The following MME variants were observed in gnomAD, a reference collection of about 807,000 sequenced individuals.
The protein encoded by MME is neprilysin.
In MME, 98 loss-of-function variants were observed where a neutral mutation model predicts 113.2. The ratio of observed to expected loss-of-function variants is 0.87; its 90% CI spans 0.74 to 1.02. The LOEUF is 1.02. Ranked by LOEUF, MME falls within the 50% of genes least tolerant of loss-of-function variation. MME has a pLI of 0.00. For synonymous variants in MME, 292 were observed against 300.6 expected (o/e 0.97, Z 0.30); for missense variants, 836 against 896.0 (o/e 0.93, Z 0.86).
intron 3 of MME, among the ~76,000 whole-genome samples, chr3:155,109,471 A>G (rs1284094964): frequency 6.6e-6 from 1 of 152,182 alleles, no homozygotes; most frequent in Non-Finnish European, 1.5e-5. Flanking sequence ...AGCCAATTAT[A>G]AGGGACTGAA....
intron 17 of MME, among the ~76,000 whole-genome samples, chr3:155,165,161 C>T (rs1385480): frequency 0.57 from 86,209 of 151,912 alleles, 27,603 homozygotes; most frequent in African/African-American, 0.88. Context: ...CAGAAAGTAA[C>T]GTTTCAGTTA....
intron 1 of MME, among the ~76,000 whole-genome samples, chr3:155,073,732 C>G (rs760456411): frequency 1.3e-5 from 2 of 151,658 alleles, no homozygotes; most frequent in Non-Finnish European, 2.9e-5. Flanking sequence ...TCTTTTCTTG[C>G]CTTTTTTTTT....
intron 3 of MME, among the ~76,000 whole-genome samples, chr3:155,094,613 TA>T (rs1249413241): frequency 6.6e-6 from 1 of 152,188 alleles, no homozygotes; most frequent in Non-Finnish European, 1.5e-5. Context: ...TATTCTCAAA[TA>T]AAAATGTGTC....
intron 22 of MME, among the ~76,000 whole-genome samples, chr3:155,178,740 T>C (rs1180326674): frequency 6.6e-6 from 1 of 152,214 alleles, no homozygotes. Context: ...CTCCCTCCTA[T>C]ACTTTGTCAC....
At chr3:155,116,392 A>G (rs1718605838) in intron 4 of MME, 87 bp from the exon 5 acceptor site, 1 of 1,023,556 alleles carries the variant, frequency 9.8e-7, no homozygotes, top group South Asian at 1.3e-5. Context: ...CACTTTGCAA[A>G]TGTTAATTAC....
intron 14 of MME, among the ~76,000 whole-genome samples, chr3:155,146,723 A>G (rs1339165856): frequency 3.9e-5 from 6 of 152,118 alleles, no homozygotes; most frequent in Admixed American, 2.6e-4. Context: ...GTAAACCTAT[A>G]AGCCCATATC....
chr3:155,073,494 A>G (rs1361689156), intron 1 of MME, among the ~76,000 whole-genome samples: 1 of 152,202 alleles, frequency 6.6e-6, no homozygotes, highest in Non-Finnish European at 1.5e-5. Context: ...CTGTAAATAG[A>G]ATGTTTTAAA....
chr3:155,087,161 TG>T (rs1453738071), intron 3 of MME, among the ~76,000 whole-genome samples: 1 of 152,048 alleles, frequency 6.6e-6, no homozygotes, highest in Non-Finnish European at 1.5e-5. Context: ...CTTGGATTTT[TG>T]TTATTCACTG....
intron 8 of MME, among the ~76,000 whole-genome samples, chr3:155,125,521 G>A (rs9819744): frequency 0.17 from 24,734 of 143,592 alleles, 2,294 homozygotes; most frequent in African/African-American, 0.23. Context: ...GTGCAGTGGC[G>A]CAATCTTGGG....
At chr3:155,141,930 A>G in intron 10 of MME, 61 bp from the exon 11 acceptor site, 6 of 1,587,074 alleles carry the variant, frequency 3.8e-6, no homozygotes, top group Non-Finnish European at 5.2e-6. Context: ...CTATAACTGA[A>G]TCTTGGACCC....
chr3:155,109,896 A>C (rs1718042215), intron 3 of MME, among the ~76,000 whole-genome samples: 1 of 152,222 alleles, frequency 6.6e-6, no homozygotes, highest in Non-Finnish European at 1.5e-5. Context: ...CTACATGGCC[A>C]CTTCAAAAAG....
intron 12 of MME, among the ~76,000 whole-genome samples, chr3:155,142,898 G>A (rs528161996): frequency 2.0e-5 from 3 of 152,046 alleles, no homozygotes; most frequent in East Asian, 1.9e-4. Flanking sequence ...AGAAAATAAC[G>A]TGGACTGATT....
At chr3:155,140,356 T>C (rs1363241876) in intron 10 of MME, 64 bp downstream of exon 10, 2 of 975,184 alleles carry the variant, frequency 2.1e-6, no homozygotes, top group South Asian at 1.4e-5. Flanking sequence ...ATTGAAATAC[T>C]CTTTCTAAAA....
chr3:155,140,741 C>G (rs909774321), intron 10 of MME, among the ~76,000 whole-genome samples: 1 of 152,066 alleles, frequency 6.6e-6, no homozygotes, highest in Non-Finnish European at 1.5e-5. Flanking sequence ...TACAATAATA[C>G]TAGAAACTCC....
In MME at chr3:155,140,291, A is replaced by G; in HGVS notation, c.956A>G (p.Lys319Arg). The G allele has an allele frequency of 6.3e-7, 1 of 1,597,190 alleles. No homozygotes were observed. The highest frequency in any genetic ancestry group is 8.6e-7 in the Non-Finnish European group (1 of 1,165,238). ...QNNFSLEING[K>R]PFSWLNFTNE... is the part of the protein sequence containing the mutation. ...AACTTTTCACTAGAGATCAATGGGA[A>G]GGTAAGTGGTAAGTTTTTTGTGCTC... The change falls in exon 10 of 23, where the codon AAG becomes AGG. Residue 319 changes from lysine (K) to arginine (R), a missense_variant and splice_region_variant. Transcript: ENST00000360490.
At chr3:155,036,671 T>C (rs1713139110) in intron 1 of MME, among the ~76,000 whole-genome samples, 1 of 152,164 alleles carries the variant, frequency 6.6e-6, no homozygotes, top group Non-Finnish European at 1.5e-5. Context: ...TATTACTCCC[T>C]TGTCAAATAA....
chr3:155,166,771 A>G (rs1723126702), intron 17 of MME, 131 bp from the exon 18 acceptor site: 1 of 1,150,844 alleles, frequency 8.7e-7, no homozygotes, highest in Non-Finnish European at 1.3e-6. Context: ...GCCTGCCATC[A>G]CTGAATAATG....
chr3:155,105,119 T>C (rs1204987006), intron 3 of MME, among the ~76,000 whole-genome samples: 1 of 152,166 alleles, frequency 6.6e-6, no homozygotes, highest in Non-Finnish European at 1.5e-5. Context: ...AAATGGACTA[T>C]GAGATAAGAC....
intron 1 of MME, among the ~76,000 whole-genome samples, chr3:155,053,943 C>T (rs567255665): frequency 6.6e-6 from 1 of 152,178 alleles, no homozygotes; most frequent in Non-Finnish European, 1.5e-5. Context: ...AAACCAGTAA[C>T]CCTTTTATAA....
Sources: allele counts gnomAD v4.1 joint callset (sites outside exome capture counted in the v4.1 genomes callset), GRCh38; gene constraint gnomAD v4.1.1; transcripts MANE v1.5; gene names NCBI Gene and HGNC (gene_info 2026-07-23, HGNC 2026-07-21).